ANO3: variants seen among roughly 807,000 people sequenced by gnomAD.
ANO3 encodes the protein anoctamin 3, also known as anoctamin-3.
ANO3 carries 99 observed loss-of-function variants against 144.8 expected under a neutral mutation model. The observed-to-expected ratio is 0.68, with a 90% CI of 0.58 to 0.81. The LOEUF is 0.81. Ranked by LOEUF, ANO3 falls within the 30% of genes least tolerant of loss-of-function variation. The pLI is 0.00. For synonymous variants in ANO3, 414 were observed against 392.6 expected (o/e 1.05, Z -0.64); for missense variants, 905 against 1,202.2 (o/e 0.75, Z 3.66).
intron 8 of ANO3, among the ~76,000 whole-genome samples, chr11:26,532,809 C>T (rs897475764): frequency 6.6e-6 from 1 of 152,078 alleles, no homozygotes; most frequent in Non-Finnish European, 1.5e-5. Context: ...ACCTAAAGTG[C>T]CCTTGTCCCA....
intron 1 of ANO3, among the ~76,000 whole-genome samples, chr11:26,413,501 C>T (rs1213587283): frequency 6.6e-6 from 1 of 151,930 alleles, no homozygotes; most frequent in Non-Finnish European, 1.5e-5. Flanking sequence ...TTAGGGAAAT[C>T]TTGTTATTTC....
chr11:26,627,394 C>T (rs796859219), intron 18 of ANO3, among the ~76,000 whole-genome samples: 6 of 151,852 alleles, frequency 4.0e-5, no homozygotes, highest in African/African-American at 1.4e-4. Flanking sequence ...GTTAAAATGA[C>T]AATAATAATA....
intron 18 of ANO3, among the ~76,000 whole-genome samples, chr11:26,626,039 C>T (rs1852572822): frequency 6.6e-6 from 1 of 152,176 alleles, no homozygotes; most frequent in Non-Finnish European, 1.5e-5. Flanking sequence ...GTTTCATTTT[C>T]TTCTGGATTC....
At chr11:26,566,286 G>A (rs1850580485) in intron 14 of ANO3, among the ~76,000 whole-genome samples, 1 of 151,998 alleles carries the variant, frequency 6.6e-6, no homozygotes, top group Admixed American at 6.6e-5. Context: ...TATAGACCAT[G>A]TAGAGCTGGC....
chr11:26,615,353 T>C (rs755705393), intron 17 of ANO3, among the ~76,000 whole-genome samples: 19 of 149,532 alleles, frequency 1.3e-4, no homozygotes, highest in Non-Finnish European at 2.4e-4. Flanking sequence ...TGGTTCCCTC[T>C]CTCCCCTGGC....
rs550057766 is a variant in ANO3, at chr11:26,586,503, C to CTTTTTTTTTTTTTTTTTTTT, written c.1448-11844_1448-11843insTTTTTTTTTTTTTTTTTTTT. 2.1e-3 allele frequency among the ~76,000 whole-genome samples: 168 copies of CTTTTTTTTTTTTTTTTTTTT among 81,446 alleles called. 29 individuals are homozygous for CTTTTTTTTTTTTTTTTTTTT. The highest frequency in any genetic ancestry group is 6.5e-3 in the African/African-American group (123 of 19,050). The allele number at this position is 81,446 out of a possible 152,430, so 53.4% of individuals were successfully genotyped here. The stretch of plus-strand genomic sequence containing the variant: ...AAGAAGGGGCTTCCCTGGTGAGAAT[C>CTTTTTTTTTTTTTTTTTTTT]TTTTTTTTTTTTTTTTTTGAGACAT... On this transcript the variant is annotated intron_variant, in intron 14 of 26. Coordinates refer to ENST00000256737, the MANE Select transcript of ANO3 (RefSeq NM_031418.4).
At chr11:26,441,106 GTT>G (rs1022676698) in intron 1 of ANO3, among the ~76,000 whole-genome samples, 67 of 86,510 alleles carry the variant, frequency 7.7e-4, no homozygotes, top group African/African-American at 3.2e-3. Flanking sequence ...TTGCTGCCCA[GTT>G]TTTTTTTTTT....
chr11:26,448,032 G>GA (rs1282502126), intron 3 of ANO3, among the ~76,000 whole-genome samples: 1 of 152,172 alleles, frequency 6.6e-6, no homozygotes, highest in African/African-American at 2.4e-5. Context: ...GGGTGCAGTG[G>GA]CTCATGCCTG....
At chr11:26,479,716 A>G (rs990563111) in intron 4 of ANO3, among the ~76,000 whole-genome samples, 3 of 152,138 alleles carry the variant, frequency 2.0e-5, no homozygotes, top group Non-Finnish European at 4.4e-5. Context: ...CAGTGTCTAT[A>G]ATATATACTG....
At chr11:26,591,687 G>C (rs1207200387) in intron 14 of ANO3, among the ~76,000 whole-genome samples, 1 of 152,152 alleles carries the variant, frequency 6.6e-6, no homozygotes, top group East Asian at 1.9e-4. Flanking sequence ...AGAGTGAAAG[G>C]GGGTAAGAGA....
At chr11:26,604,392 C>T (rs866021972) in intron 17 of ANO3, among the ~76,000 whole-genome samples, 3 of 152,048 alleles carry the variant, frequency 2.0e-5, no homozygotes, top group Non-Finnish European at 4.4e-5. Context: ...CTTGGCTATA[C>T]GGGCTCTTCT....
chr11:26,414,351 C>T (rs953333300), intron 1 of ANO3, among the ~76,000 whole-genome samples: 1 of 152,012 alleles, frequency 6.6e-6, no homozygotes, highest in Non-Finnish European at 1.5e-5. Context: ...AAATGCCTAT[C>T]AACAATAGAC....
chr11:26,387,156 T>A (rs7935931), intron 1 of ANO3, among the ~76,000 whole-genome samples: 39,517 of 145,772 alleles, frequency 0.27, 6,072 homozygotes, highest in African/African-American at 0.41. Context: ...TTTTTTTTAG[T>A]AGAGACAGGG....
At chr11:26,470,655 G>A (rs1366913803) in intron 4 of ANO3, among the ~76,000 whole-genome samples, 2 of 151,906 alleles carry the variant, frequency 1.3e-5, no homozygotes, top group Non-Finnish European at 2.9e-5. Flanking sequence ...TAAAGTGGCT[G>A]TAAAAAAATG....
chr11:26,395,291 G>T (rs1041269553), intron 1 of ANO3, among the ~76,000 whole-genome samples: 2 of 138,850 alleles, frequency 1.4e-5, no homozygotes, highest in Non-Finnish European at 3.1e-5. Context: ...ATTTCAAGTA[G>T]CTTTTTTTCT....
intron 5 of ANO3, among the ~76,000 whole-genome samples, chr11:26,513,844 T>A (rs781527531): frequency 8.5e-5 from 13 of 152,114 alleles, no homozygotes; most frequent in Non-Finnish European, 1.3e-4. Context: ...AGATTGGTTT[T>A]TGTTTGAGTC....
intron 1 of ANO3, among the ~76,000 whole-genome samples, chr11:26,378,731 A>G (rs913176337): frequency 6.6e-6 from 1 of 152,114 alleles, no homozygotes; most frequent in Non-Finnish European, 1.5e-5. Context: ...TGATGATATG[A>G]GTACATTGTT....
At chr11:26,566,627 T>C (rs1444828345) in intron 14 of ANO3, among the ~76,000 whole-genome samples, 2 of 151,858 alleles carry the variant, frequency 1.3e-5, no homozygotes, top group Non-Finnish European at 2.9e-5. Flanking sequence ...TCTTATTTTA[T>C]AAAAGAAGAA....
chr11:26,292,859 T>C (rs964139829), intron 1 of ANO3, among the ~76,000 whole-genome samples: 1 of 152,142 alleles, frequency 6.6e-6, no homozygotes, highest in Non-Finnish European at 1.5e-5. Context: ...GGGAGGTGTC[T>C]CCCAGTTAGG....
Sources: allele counts gnomAD v4.1 joint callset (sites outside exome capture counted in the v4.1 genomes callset), GRCh38; gene constraint gnomAD v4.1.1; transcripts MANE v1.5; gene names NCBI Gene and HGNC (gene_info 2026-07-23, HGNC 2026-07-21).